SYNE2: variants seen among roughly 807,000 people sequenced by gnomAD.
SYNE2 encodes the protein spectrin repeat containing nuclear envelope protein 2.
In SYNE2, 431 loss-of-function variants were observed where a neutral mutation model predicts 856.3. That is an observed-to-expected ratio of 0.50 (90% confidence interval 0.47 to 0.55). The LOEUF (loss-of-function observed/expected upper bound fraction) is 0.55, where lower values mean the gene tolerates loss of function less well. SYNE2 is among the 20% of genes least tolerant of loss of function. SYNE2 has a pLI of 0.00. For missense variants in SYNE2, 8,129 were observed against 8,023.2 expected (o/e 1.01, Z -0.50); for synonymous variants, 2,923 against 2,872.3 (o/e 1.02, Z -0.56).
At chr14:63,799,828 T>C (rs1407534448) in intron 1 of SYNE2, among the ~76,000 whole-genome samples, 8 of 152,264 alleles carry the variant, frequency 5.3e-5, no homozygotes, top group Non-Finnish European at 1.0e-4. Flanking sequence ...CTTTCACTTT[T>C]ATAATATGAA....
At chr14:64,218,127 T>C in intron 108 of SYNE2, 1 of 417,192 alleles carries the variant, frequency 2.4e-6, no homozygotes, top group Non-Finnish European at 4.5e-6. Context: ...TTTGGAAGCA[T>C]GCCAATTGAA....
At chr14:64,079,187 T>C (rs2097498121) in intron 55 of SYNE2, among the ~76,000 whole-genome samples, 1 of 152,228 alleles carries the variant, frequency 6.6e-6, no homozygotes, top group South Asian at 2.1e-4. Flanking sequence ...TTGGGGATAC[T>C]GATACTAAAA....
rs1372059401 is a variant in SYNE2 at position 63,922,265 on chromosome 14, A to G, written c.79+13038A>G. Among the ~76,000 whole-genome samples, 4 of 152,296 alleles carry G rather than the reference A, an allele frequency of 2.6e-5. No homozygotes were observed. In the East Asian group the frequency reaches 7.7e-4, roughly 29 times the overall value. On this transcript the variant is annotated intron_variant, in intron 2 of 115. Coordinates refer to ENST00000555002, the MANE Select transcript of SYNE2 (RefSeq NM_182914.3). Reference sequence around the variant, plus strand: ...AGTGAACCTCCCACCTCAGCCTCCCAAAGTGCTGAGATTACAGGCACAAGC... The same window carrying G: ...AGTGAACCTCCCACCTCAGCCTCCCGAAGTGCTGAGATTACAGGCACAAGC...
At chr14:64,129,121 A>G (rs766306955) in intron 74 of SYNE2, among the ~76,000 whole-genome samples, 2 of 151,158 alleles carry the variant, frequency 1.3e-5, no homozygotes, top group Non-Finnish European at 2.9e-5. Context: ...CAGCCTGGCC[A>G]GCATGGCAAA....
At chr14:64,057,243 C>T (rs1344908034) in intron 49 of SYNE2, among the ~76,000 whole-genome samples, 1 of 151,496 alleles carries the variant, frequency 6.6e-6, no homozygotes, top group Non-Finnish European at 1.5e-5. Flanking sequence ...TATTTTGTAC[C>T]CATTTACCAT....
At chr14:64,006,314 C>T (rs150411601) in intron 30 of SYNE2, among the ~76,000 whole-genome samples, 120 of 152,016 alleles carry the variant, frequency 7.9e-4, no homozygotes, top group Non-Finnish European at 1.1e-3. Flanking sequence ...CCTCCTTGGC[C>T]GCCCCATCCC....
At chr14:64,019,001 TGGCTGACACCTG>T (rs2096916037) in intron 34 of SYNE2, among the ~76,000 whole-genome samples, 1 of 152,228 alleles carries the variant, frequency 6.6e-6, no homozygotes, top group African/African-American at 2.4e-5. Flanking sequence ...CTGAGTGTGG[TGGCTGACACCTG>T]TAATCCCAGC....
chr14:64,193,688 G>A (rs1484324054), intron 99 of SYNE2, among the ~76,000 whole-genome samples: 3 of 152,158 alleles, frequency 2.0e-5, no homozygotes, highest in Non-Finnish European at 4.4e-5. Context: ...TAATTCACTG[G>A]AGGAAAAAAT....
At chr14:63,762,595 C>CTT (rs869117825) in intron 1 of SYNE2, among the ~76,000 whole-genome samples, 2 of 20,456 alleles carry the variant, frequency 9.8e-5, no homozygotes, top group East Asian at 6.6e-4. Flanking sequence ...TTTTTTCTTT[C>CTT]TTTTTTTTTT....
chr14:64,013,924 A>G (rs894929868), intron 32 of SYNE2, among the ~76,000 whole-genome samples: 3 of 152,266 alleles, frequency 2.0e-5, no homozygotes, highest in African/African-American at 4.8e-5. Context: ...GGATGTTGAC[A>G]TCAATGCAGT....
intron 1 of SYNE2, among the ~76,000 whole-genome samples, chr14:63,904,616 C>T (rs1313059331): frequency 6.6e-6 from 1 of 152,002 alleles, no homozygotes; most frequent in Admixed American, 6.6e-5. Context: ...TCTAAGTCTC[C>T]TTTTAAGAAG....
At chr14:64,087,530 T>C (rs1567254862) in intron 57 of SYNE2, 141 bp from the exon 58 acceptor site, 1 of 858,880 alleles carries the variant, frequency 1.2e-6, no homozygotes, top group Non-Finnish European at 2.0e-6. Context: ...CAATAGAGGG[T>C]GTTCTGTTTT....
intron 3 of SYNE2, among the ~76,000 whole-genome samples, chr14:63,941,131 A>C (rs936146340): frequency 4.6e-5 from 7 of 152,220 alleles, no homozygotes; most frequent in African/African-American, 1.7e-4. Flanking sequence ...TGTGACTTGC[A>C]TGTGGTCACA....
chr14:63,832,866 C>CAAAAA lies in SYNE2; in HGVS notation c.-304-19615_-304-19611dup, dbSNP rs36099684. On this transcript the variant is annotated intron_variant, in intron 1 of 23. Transcript: ENST00000674003. The stretch of plus-strand genomic sequence containing the variant: ...CAACATGGCGAGAACCTGTCTCTAC[C>CAAAAA]AAAAAAAAAAAAAAAAAAAAAAAAT... 9.3e-5 allele frequency among the ~76,000 whole-genome samples: 6 copies of CAAAAA among 64,736 alleles called. 1 individual carries two copies. The highest frequency in any genetic ancestry group is 1.9e-4 in the African/African-American group (3 of 16,058). 42.5% of individuals were successfully genotyped at this position (64,736 alleles called of 152,430 possible). A position where few individuals can be genotyped will look rare whatever the true frequency, so the allele number is the denominator to read the frequency against.
rs1595098933 is a variant in SYNE2 at position 63,775,967 on chromosome 14, C to T, written c.-305+13981C>T. Among the ~76,000 whole-genome samples, 3 of 152,114 alleles carry T rather than the reference C, an allele frequency of 2.0e-5. 1 individual carries two copies. The South Asian group carries it at 6.2e-4, about 32-fold the overall frequency. On this transcript the variant is annotated intron_variant, in intron 1 of 23. Coordinates refer to the SYNE2 transcript ENST00000674003. ...TGCATTTGGTAAATTAGTAAGCACA[C>T]CAAGGGAGAGGCAACACACTGACCT...
intron 7 of SYNE2, among the ~76,000 whole-genome samples, chr14:63,951,078 G>C (rs945028): frequency 0.68 from 102,781 of 151,612 alleles, 35,082 homozygotes; most frequent in South Asian, 0.76. Context: ...TCCATTTTAA[G>C]CAGTGTCTGA....
chr14:63,867,995 A>T (rs1895868771), intron 1 of SYNE2, among the ~76,000 whole-genome samples: 1 of 152,202 alleles, frequency 6.6e-6, no homozygotes, highest in South Asian at 2.1e-4. Flanking sequence ...GGCTGCAGTA[A>T]GCTATAATCA....
At chr14:63,804,947 A>G (rs758544160) in intron 1 of SYNE2, among the ~76,000 whole-genome samples, 2 of 152,218 alleles carry the variant, frequency 1.3e-5, no homozygotes, top group African/African-American at 4.8e-5. Context: ...TCCAGGTTCA[A>G]TCTTCTGTAT....
Position 64,223,379 on chromosome 14 carries a change from A to C in SYNE2, c.20381A>C (p.Gln6794Pro). Residue 6794 changes from glutamine to proline, a missense_variant and splice_region_variant, in exon 113 of 116, where the codon CAG becomes CCG. Gln to Pro is a moderately conservative substitution (Grantham distance 76, BLOSUM62 -1). Transcript: ENST00000555002. The part of the protein sequence containing the change: ...SQDLMALQGT[Q>P]NPASPLPSFD... ...GATTTAATGGCCTTGCAGGGAACCC[A>C]GGTGAGTCTACTTGTAGCTTTTAAC... The C allele has an allele frequency of 1.3e-5, 21 of 1,613,706 alleles. No individual in the cohort carries two copies. The highest frequency in any genetic ancestry group is 1.7e-5 in the Non-Finnish European group (20 of 1,179,802).
Sources: allele counts gnomAD v4.1 joint callset (sites outside exome capture counted in the v4.1 genomes callset), GRCh38; gene constraint gnomAD v4.1.1; transcripts MANE v1.5; gene names NCBI Gene and HGNC (gene_info 2026-07-23, HGNC 2026-07-21).